SNX4: variants seen among roughly 807,000 people sequenced by gnomAD.
SNX4 encodes sorting nexin 4.
SNX4 carries 49 observed loss-of-function variants against 70.8 expected under a neutral mutation model. The observed-to-expected ratio is 0.69, with a 90% confidence interval of 0.55 to 0.88. The LOEUF (loss-of-function observed/expected upper bound fraction) is 0.88, where lower values mean the gene tolerates loss of function less well. Among genes scored for constraint, SNX4 ranks in the 40% least tolerant of loss-of-function variants. The pLI is 0.00. For missense variants in SNX4, 528 were observed against 544.8 expected, an observed-to-expected ratio of 0.97 and a Z score of 0.31; for synonymous variants, 206 against 183.8, an observed-to-expected ratio of 1.12 and a Z score of -0.98.
At chr3:125,449,231 G>A (rs1419838286) in intron 13 of SNX4, 1 of 151,708 alleles carries the variant, frequency 6.6e-6, no homozygotes, top group African/African-American at 2.4e-5. Flanking sequence ...AGACCAGCCT[G>A]GCCAACATGG....
chr3:125,460,198 C>CAAAAAAAA (rs57601494), intron 10 of SNX4, among the ~76,000 whole-genome samples: 2 of 64,694 alleles, frequency 3.1e-5, no homozygotes, highest in African/African-American at 4.8e-5. Context: ...TAGTCTGTCT[C>CAAAAAAAA]AAAAAAAAAA....
rs763196858 is a variant in SNX4 at position 125,458,460 on chromosome 3, C to T, written c.945-1095G>A. On this transcript the variant is annotated intron_variant, in intron 10 of 13. Coordinates refer to ENST00000251775, the MANE Select transcript of SNX4 (RefSeq NM_003794.4). ...CTAGGATTATATGCATGAGCCATGTCGCCTGGCCTAGAAATGTTTATTAGT... is the reference window on the plus strand; with the variant it reads ...CTAGGATTATATGCATGAGCCATGTTGCCTGGCCTAGAAATGTTTATTAGT... 5.3e-5 allele frequency among the ~76,000 whole-genome samples: 8 copies of T among 152,228 alleles called. No individual in the cohort carries two copies. In the East Asian group the frequency reaches 9.6e-4, roughly 18 times the overall value.
chr3:125,489,659 G>C (rs1934607613), intron 5 of SNX4, among the ~76,000 whole-genome samples, 196 bp from the exon 6 acceptor site: 2 of 152,094 alleles, frequency 1.3e-5, no homozygotes, highest in Non-Finnish European at 1.5e-5. Context: ...CTATAAAATA[G>C]ACTGAATACA....
intron 8 of SNX4, among the ~76,000 whole-genome samples, chr3:125,470,215 A>G (rs1934130197): frequency 6.6e-6 from 1 of 152,190 alleles, no homozygotes; most frequent in Non-Finnish European, 1.5e-5. Flanking sequence ...TGCGTAATTT[A>G]AAGTGGCTGA....
At chr3:125,517,479 TGAGA>T (rs1173027143) in intron 1 of SNX4, among the ~76,000 whole-genome samples, 4 of 151,714 alleles carry the variant, frequency 2.6e-5, no homozygotes, top group African/African-American at 7.3e-5. Flanking sequence ...ACAGACTGAG[TGAGA>T]GAGAGTATGG....
chr3:125,480,302 T>C lies in SNX4; in HGVS notation c.671A>G (p.Lys224Arg). The change falls in exon 7 of 14, where the codon AAG (lysine) becomes AGG (arginine). Residue 224 changes from lysine (K) to arginine (R), a missense_variant. This residue lies in a region of SNX4 where 341 missense variants were observed against 312.2 expected (regional missense o/e 1.09). Coordinates refer to ENST00000251775, the MANE Select transcript of SNX4 (RefSeq NM_003794.4). ...AGACTGCAGTTCATCACTATAGTGC[T>C]TAAGGTCAGTAAATCTCCTGAAACA... The part of the protein sequence containing the change: ...KNPDKRFTDL[K>R]HYSDELQSVI... 6.5e-7 allele frequency: 1 copy of C among 1,539,490 alleles called. No individual in the cohort carries two copies. The highest frequency in any genetic ancestry group is 1.3e-5 in the South Asian group (1 of 79,008).
chr3:125,462,685 G>A lies in SNX4; in HGVS notation c.855-1825C>T, dbSNP rs139568567. 7.3e-5 allele frequency among the ~76,000 whole-genome samples: 11 copies of A among 150,978 alleles called. No individual in the cohort carries two copies. In the East Asian group the frequency reaches 2.1e-3, roughly 29 times the overall value. ...TAAAATTGTATGAAATACATGGCAA[G>A]TTGCAGTTTATCAGATACATTTAAT... On this transcript the variant is annotated intron_variant, in intron 9 of 13. Transcript: ENST00000251775.
rs765623358 is a variant in SNX4 at position 125,469,474 on chromosome 3, A to G, written c.834T>C (p.Ser278=). 2.0e-5 allele frequency: 33 copies of G among 1,613,620 alleles called. No homozygotes were observed. The highest frequency in any genetic ancestry group is 2.8e-5 in the Non-Finnish European group (33 of 1,179,664). Residue 278 remains serine (S), a synonymous_variant, in exon 9 of 14, where the codon AGT becomes AGC. Coordinates refer to ENST00000251775, the MANE Select transcript of SNX4 (RefSeq NM_003794.4). ...CTTACACATCCATATGATGACCAGCACTCTGCAGTCCATCACCCATTTCTT... is the reference window on the plus strand; with the variant it reads ...CTTACACATCCATATGATGACCAGCGCTCTGCAGTCCATCACCCATTTCTT... The part of the protein sequence containing the change: ...IEKEMGDGLQ[S]AGHHMDVYAS...
chr3:125,496,540 T>G, intron 5 of SNX4, among the ~76,000 whole-genome samples: 1 of 152,136 alleles, frequency 6.6e-6, no homozygotes. Context: ...TTGAACAATT[T>G]ATATTATGTT....
chr3:125,464,221 A>G (rs999342216), intron 9 of SNX4, among the ~76,000 whole-genome samples: 1 of 152,106 alleles, frequency 6.6e-6, no homozygotes, highest in Admixed American at 6.6e-5. Flanking sequence ...CACCCCATTT[A>G]ACTCTCAATT....
At chr3:125,478,399 T>C (rs1388763169) in intron 7 of SNX4, among the ~76,000 whole-genome samples, 1 of 144,784 alleles carries the variant, frequency 6.9e-6, no homozygotes, top group African/African-American at 2.6e-5. Context: ...GTCTGTGCAG[T>C]GTTGAATGTT....
intron 8 of SNX4, among the ~76,000 whole-genome samples, chr3:125,476,265 C>CA (rs749425097): frequency 0.19 from 8,489 of 43,950 alleles, 596 homozygotes; most frequent in African/African-American, 0.24. Flanking sequence ...GACTCCATCT[C>CA]AAAAAAAAAA....
chr3:125,461,906 G>A (rs938827211), intron 9 of SNX4, among the ~76,000 whole-genome samples: 1 of 152,094 alleles, frequency 6.6e-6, no homozygotes, highest in South Asian at 2.1e-4. Context: ...ACTCGCCTCA[G>A]CCTCCCAAAG....
chr3:125,500,135 A>C (rs917461830), intron 2 of SNX4, among the ~76,000 whole-genome samples: 5 of 152,110 alleles, frequency 3.3e-5, no homozygotes, highest in Admixed American at 3.3e-4. Context: ...AACTGACTAA[A>C]AGCACAGAGA....
chr3:125,481,403 A>T, intron 6 of SNX4, among the ~76,000 whole-genome samples: 1 of 148,544 alleles, frequency 6.7e-6, no homozygotes, highest in East Asian at 2.0e-4. Context: ...TCCTTCACCC[A>T]TCTCTTATAT....
At chr3:125,480,171 T>C in intron 7 of SNX4, 76 bp downstream of exon 7, 3 of 865,084 alleles carry the variant, frequency 3.5e-6, no homozygotes, top group Non-Finnish European at 5.2e-6. Flanking sequence ...TACCACCTAC[T>C]ACTTGAAAAC....
At chr3:125,489,672 G>A (rs1934607834) in intron 5 of SNX4, among the ~76,000 whole-genome samples, 1 of 152,100 alleles carries the variant, frequency 6.6e-6, no homozygotes, top group African/African-American at 2.4e-5. Context: ...TGAATACATG[G>A]CATTCAATGG....
At chr3:125,501,751 G>A (rs762098279) in intron 2 of SNX4, among the ~76,000 whole-genome samples, 29 of 152,028 alleles carry the variant, frequency 1.9e-4, no homozygotes, top group African/African-American at 6.8e-4. Context: ...ATTCCAACAT[G>A]TTTTTAAGTA....
chr3:125,473,090 C>T (rs755482880), intron 8 of SNX4, among the ~76,000 whole-genome samples: 1 of 152,124 alleles, frequency 6.6e-6, no homozygotes, highest in Non-Finnish European at 1.5e-5. Flanking sequence ...CATGTGTACA[C>T]TGGATGGTGT....
Sources: allele counts gnomAD v4.1 joint callset (sites outside exome capture counted in the v4.1 genomes callset), GRCh38; gene constraint gnomAD v4.1.1; regional missense constraint gnomAD v4.1.1; transcripts MANE v1.5; gene names NCBI Gene and HGNC (gene_info 2026-07-23, HGNC 2026-07-21).